The following NEGR1 variants were observed in gnomAD, a reference collection of about 807,000 sequenced individuals.
NEGR1 encodes neuronal growth regulator 1.
NEGR1 carries 10 observed loss-of-function variants against 40.9 expected under a neutral mutation model. The observed-to-expected ratio is 0.24, with a 90% CI of 0.15 to 0.42. The LOEUF (loss-of-function observed/expected upper bound fraction) is 0.42. Ranked by LOEUF, NEGR1 falls within the 10% of genes least tolerant of loss-of-function variation. The pLI, the probability that NEGR1 is intolerant of heterozygous loss-of-function variation, is 1.00. For missense variants in NEGR1, 352 were observed against 438.9 expected (o/e 0.80, Z 1.77); for synonymous variants, 185 against 166.8 (o/e 1.11, Z -0.84).
intron 1 of NEGR1, among the ~76,000 whole-genome samples, chr1:71,949,508 C>T (rs1646050645): frequency 6.6e-6 from 1 of 151,978 alleles, no homozygotes; most frequent in African/African-American, 2.4e-5. Flanking sequence ...TTTTTGAATA[C>T]TATAAGAACT....
intron 6 of NEGR1, among the ~76,000 whole-genome samples, chr1:71,417,931 CCAA>C (rs1646367098): frequency 6.6e-6 from 1 of 152,100 alleles, no homozygotes. Flanking sequence ...AACAATGACA[CCAA>C]CAATATATGT....
intron 6 of NEGR1, among the ~76,000 whole-genome samples, chr1:71,466,721 G>A (rs1646748474): frequency 6.6e-6 from 1 of 152,090 alleles, no homozygotes; most frequent in African/African-American, 2.4e-5. Context: ...GCAGTAAGGA[G>A]GCTGGTGTAC....
chr1:72,109,470 A>C (rs989742696), intron 1 of NEGR1, among the ~76,000 whole-genome samples: 3 of 151,672 alleles, frequency 2.0e-5, no homozygotes, highest in African/African-American at 7.2e-5. Context: ...TTTTTCCTAA[A>C]AAATGTCTAC....
intron 2 of NEGR1, among the ~76,000 whole-genome samples, chr1:71,811,434 T>G (rs1657996474): frequency 6.6e-6 from 1 of 152,004 alleles, no homozygotes; most frequent in Non-Finnish European, 1.5e-5. Context: ...CAATGTCACC[T>G]CCTTTCCTAA....
chr1:71,926,591 GA>G (rs1387436424), intron 2 of NEGR1, among the ~76,000 whole-genome samples: 83 of 139,480 alleles, frequency 6.0e-4, no homozygotes, highest in Non-Finnish European at 6.4e-4. Flanking sequence ...CCTTCTATAG[GA>G]AAAAAAAAAA....
At chr1:72,237,539 A>G (rs971881508) in intron 1 of NEGR1, among the ~76,000 whole-genome samples, 2 of 151,952 alleles carry the variant, frequency 1.3e-5, no homozygotes, top group African/African-American at 4.8e-5. Context: ...AGATTTCAAC[A>G]TAAGAATTTT....
intron 1 of NEGR1, among the ~76,000 whole-genome samples, chr1:72,107,332 T>G (rs1001879589): frequency 1.3e-5 from 2 of 151,694 alleles, no homozygotes; most frequent in African/African-American, 4.8e-5. Flanking sequence ...GTATAAGGTC[T>G]TACTTTGGAA....
chr1:71,458,424 T>G (rs922296294), intron 6 of NEGR1, among the ~76,000 whole-genome samples: 1 of 152,258 alleles, frequency 6.6e-6, no homozygotes, highest in African/African-American at 2.4e-5. Context: ...GGCTGCAGAT[T>G]TAACAGTAAC....
chr1:71,936,459 G>C (rs970403527), intron 1 of NEGR1, among the ~76,000 whole-genome samples: 4 of 152,156 alleles, frequency 2.6e-5, no homozygotes, highest in Non-Finnish European at 5.9e-5. Flanking sequence ...CACACAGGAT[G>C]CATGAGAGAT....
At chr1:72,004,077 G>T (rs1646581312) in intron 1 of NEGR1, among the ~76,000 whole-genome samples, 1 of 151,884 alleles carries the variant, frequency 6.6e-6, no homozygotes, top group Non-Finnish European at 1.5e-5. Context: ...GAGAATGGGG[G>T]CAATTGAACT....
At chr1:71,504,723 GA>G (rs1647021363) in intron 6 of NEGR1, among the ~76,000 whole-genome samples, 1 of 152,096 alleles carries the variant, frequency 6.6e-6, no homozygotes, top group Non-Finnish European at 1.5e-5. Context: ...AGTCTCTAAG[GA>G]AAAATGGACA....
intron 4 of NEGR1, among the ~76,000 whole-genome samples, chr1:71,637,531 A>C: frequency 6.6e-6 from 1 of 152,150 alleles, no homozygotes; most frequent in East Asian, 1.9e-4. Flanking sequence ...CAGCAGTAAC[A>C]GAATAAAGTC....
At chr1:72,026,887 G>A (rs529306902) in intron 1 of NEGR1, among the ~76,000 whole-genome samples, 2 of 151,978 alleles carry the variant, frequency 1.3e-5, no homozygotes, top group East Asian at 1.9e-4. Context: ...TCACTCCAAA[G>A]ATAATAGTCT....
At chr1:71,475,557 T>C (rs1255925953) in intron 6 of NEGR1, among the ~76,000 whole-genome samples, 2 of 151,994 alleles carry the variant, frequency 1.3e-5, no homozygotes, top group Non-Finnish European at 2.9e-5. Context: ...TAAAATTTGG[T>C]CAAAATTATA....
intron 2 of NEGR1, among the ~76,000 whole-genome samples, chr1:71,847,873 G>T (rs970631692): frequency 6.6e-6 from 1 of 152,172 alleles, no homozygotes; most frequent in Non-Finnish European, 1.5e-5. Flanking sequence ...GCCAAGATAG[G>T]CTGAAACCTA....
At chr1:71,940,463 A>G (rs532895995) in intron 1 of NEGR1, among the ~76,000 whole-genome samples, 3 of 152,338 alleles carry the variant, frequency 2.0e-5, no homozygotes, top group South Asian at 2.1e-4. Flanking sequence ...TTTTGTGCAC[A>G]TAGTTCCAAA....
At chr1:71,768,625 G>T (rs1570320370) in intron 3 of NEGR1, among the ~76,000 whole-genome samples, 1 of 152,142 alleles carries the variant, frequency 6.6e-6, no homozygotes, top group South Asian at 2.1e-4. Flanking sequence ...CTGCAATAAG[G>T]TTAAGACTCT....
chr1:71,595,661 T>A (rs1373749336), intron 5 of NEGR1, among the ~76,000 whole-genome samples: 3 of 152,206 alleles, frequency 2.0e-5, no homozygotes, highest in Non-Finnish European at 4.4e-5. Context: ...GGGCAACCCA[T>A]GATCTCTGCT....
At chr1:71,479,404 T>C (rs1358467766) in intron 6 of NEGR1, among the ~76,000 whole-genome samples, 1 of 151,992 alleles carries the variant, frequency 6.6e-6, no homozygotes, top group Non-Finnish European at 1.5e-5. Context: ...CATCCCATTT[T>C]AGCTGGTTGG....
Sources: allele counts gnomAD v4.1 joint callset (sites outside exome capture counted in the v4.1 genomes callset), GRCh38; gene constraint gnomAD v4.1.1; transcripts MANE v1.5; gene names NCBI Gene and HGNC (gene_info 2026-07-23, HGNC 2026-07-21).